Variants in CFAP20DC observed in about 807,000 individuals in gnomAD.
The protein encoded by CFAP20DC is protein CFAP20DC.
In CFAP20DC, 84 loss-of-function variants were observed where a neutral mutation model predicts 101.7. The observed-to-expected ratio is 0.83, with a 90% CI of 0.69 to 0.99. The LOEUF (loss-of-function observed/expected upper bound fraction) is 0.99. CFAP20DC is among the 50% of genes least tolerant of loss of function. CFAP20DC has a pLI of 0.00. For synonymous variants in CFAP20DC, 359 were observed against 351.2 expected (o/e 1.02, Z -0.25); for missense variants, 1,007 against 970.3 (o/e 1.04, Z -0.50).
intron 12 of CFAP20DC, chr3:58,862,466 G>GT: frequency 1.0e-6 from 1 of 985,356 alleles, no homozygotes; most frequent in Non-Finnish European, 1.2e-6. Context: ...GTTATGTTTG[G>GT]TATGACTAAT....
intron 7 of CFAP20DC, among the ~76,000 whole-genome samples, chr3:58,879,049 C>T (rs965431495): frequency 6.6e-6 from 1 of 151,902 alleles, no homozygotes; most frequent in Admixed American, 6.6e-5. Context: ...CTGAAACCAG[C>T]CTGCCTGGTC....
intron 6 of CFAP20DC, among the ~76,000 whole-genome samples, chr3:58,908,263 A>C (rs1462919310): frequency 1.3e-5 from 2 of 152,106 alleles, no homozygotes; most frequent in African/African-American, 2.4e-5. Context: ...GCTTTATACT[A>C]ATATTTTTTC....
chr3:58,801,624 G>C (rs2073711026), intron 15 of CFAP20DC, among the ~76,000 whole-genome samples: 1 of 143,904 alleles, frequency 6.9e-6, no homozygotes, highest in African/African-American at 2.5e-5. Context: ...AACTGGAGAG[G>C]AAAAAAAAAA....
At chr3:58,959,586 A>T (rs2090956535) in intron 4 of CFAP20DC, among the ~76,000 whole-genome samples, 1 of 152,148 alleles carries the variant, frequency 6.6e-6, no homozygotes, top group Non-Finnish European at 1.5e-5. Flanking sequence ...AAATGTAAGG[A>T]TTTGTTTCTT....
chr3:59,019,691 T>C (rs1269953536), intron 4 of CFAP20DC, among the ~76,000 whole-genome samples: 1 of 152,098 alleles, frequency 6.6e-6, no homozygotes. Flanking sequence ...AGCAGAATGG[T>C]GACACTTTCA....
intron 6 of CFAP20DC, among the ~76,000 whole-genome samples, chr3:58,901,968 T>C (rs1260650788): frequency 6.6e-6 from 1 of 152,220 alleles, no homozygotes; most frequent in Non-Finnish European, 1.5e-5. Flanking sequence ...TCTGTCTCTG[T>C]GGATTTGCCT....
chr3:58,731,179 G>C (rs1462446001), intron 3 of CFAP20DC, among the ~76,000 whole-genome samples: 1 of 152,186 alleles, frequency 6.6e-6, no homozygotes, highest in African/African-American at 2.4e-5. Flanking sequence ...ATCAGTTGTA[G>C]TCTTCACTGT....
At position 58,724,763 on chromosome 3, in the gene CFAP20DC, T is replaced by C. The variant is rs1459959388; in HGVS notation, c.198-7135A>G. The stretch of plus-strand genomic sequence containing the variant: ...CTCCCACCTTTATGAACTCTTAACC[T>C]GTCTCTTCTCAATCCTTTGTCGCCA... On this transcript the variant is annotated intron_variant, in intron 3 of 3. Transcript: ENST00000486145. The surrounding 1 kb of genome is among the most constrained non-coding windows in gnomAD (Gnocchi z 5.6). Among the ~76,000 whole-genome samples the C allele has an allele frequency of 2.6e-5, 4 of 152,274 alleles. No individual in the cohort carries two copies. Among genetic ancestry groups the C allele is most frequent in the African/African-American group, 9.6e-5 (4 of 41,552 alleles).
chr3:58,782,093 T>G (rs1404000867), intron 15 of CFAP20DC, among the ~76,000 whole-genome samples: 2 of 152,054 alleles, frequency 1.3e-5, no homozygotes, highest in Non-Finnish European at 2.9e-5. Flanking sequence ...CAAGCGGGAT[T>G]TATCCTAGGG....
intron 16 of CFAP20DC, among the ~76,000 whole-genome samples, chr3:58,749,544 G>A (rs1465758110): frequency 6.6e-6 from 1 of 152,218 alleles, no homozygotes; most frequent in Non-Finnish European, 1.5e-5. Context: ...TCTCATGGGA[G>A]ATTAATCAAC....
intron 13 of CFAP20DC, among the ~76,000 whole-genome samples, chr3:58,847,391 T>A (rs752376105): frequency 0.013 from 1,994 of 151,706 alleles, 21 homozygotes; most frequent in Non-Finnish European, 0.023. Context: ...AAGACATTTA[T>A]GCAGCCAAAA....
chr3:58,866,726 T>C (rs113835211), intron 10 of CFAP20DC, 38 bp from the exon 11 acceptor site: 8 of 1,335,884 alleles, frequency 6.0e-6, no homozygotes, highest in Non-Finnish European at 7.4e-6. Flanking sequence ...ATTACTTCTT[T>C]TGAAATTTAT....
At chr3:58,739,916 C>T (rs2067844007), downstream of CFAP20DC, among the ~76,000 whole-genome samples, 1 of 152,118 alleles carries the variant, frequency 6.6e-6, no homozygotes, top group Admixed American at 6.6e-5. Flanking sequence ...GATAATAAGA[C>T]CTTGTGGTAG....
intron 4 of CFAP20DC, among the ~76,000 whole-genome samples, chr3:58,957,906 AGAAT>A (rs2090787002): frequency 6.6e-6 from 1 of 152,212 alleles, no homozygotes; most frequent in African/African-American, 2.4e-5. Flanking sequence ...CCAAAAAAAT[AGAAT>A]GAATGAATAG....
At chr3:58,804,402 G>A (rs548680290) in intron 15 of CFAP20DC, among the ~76,000 whole-genome samples, 2 of 146,592 alleles carry the variant, frequency 1.4e-5, no homozygotes, top group African/African-American at 2.5e-5. Context: ...TCACTCTGTC[G>A]CCCAGGCTGG....
chr3:58,887,710 C>G (rs919878657), intron 6 of CFAP20DC, among the ~76,000 whole-genome samples: 15 of 152,230 alleles, frequency 9.9e-5, no homozygotes, highest in Non-Finnish European at 5.9e-5. Context: ...TAATCTGCAT[C>G]ACCCAACATC....
intron 7 of CFAP20DC, among the ~76,000 whole-genome samples, chr3:58,880,086 C>A (rs190290369): frequency 4.0e-4 from 61 of 151,760 alleles, no homozygotes; most frequent in African/African-American, 1.4e-3. Flanking sequence ...CATAATTACT[C>A]TGACATCATA....
In CFAP20DC at chr3:58,742,097, A is replaced by G. The variant is rs1411207733; in HGVS notation, c.*363T>C. ...TTTTAAGCAAAAATACATTTTCTGT[A>G]CATCAAGCCATCATTTACAGATTAA... is the stretch of plus-strand genomic sequence containing the variant. On this transcript the variant is annotated 3_prime_UTR_variant, in exon 17 of 17. Coordinates refer to ENST00000482387, the MANE Select transcript of CFAP20DC (RefSeq NM_001394063.1). 1 of 962,516 alleles carries G rather than the reference A, an allele frequency of 1.0e-6. No individual in the cohort carries two copies. Among genetic ancestry groups the G allele is most frequent in the Non-Finnish European group, 1.2e-6 (1 of 808,518 alleles). 59.6% of individuals were successfully genotyped at this position (962,516 alleles called of 1,614,324 possible).
chr3:58,903,286 A>G (rs2083307334), intron 6 of CFAP20DC, among the ~76,000 whole-genome samples: 1 of 152,166 alleles, frequency 6.6e-6, no homozygotes, highest in African/African-American at 2.4e-5. Context: ...TTCAGCTCTT[A>G]TATTTAGGTC....
Sources: allele counts gnomAD v4.1 joint callset (sites outside exome capture counted in the v4.1 genomes callset), GRCh38; gene constraint gnomAD v4.1.1; non-coding constraint Gnocchi (gnomAD v3.1); transcripts MANE v1.5; gene names NCBI Gene and HGNC (gene_info 2026-07-23, HGNC 2026-07-21).